ANKRD46: variants seen among roughly 807,000 people sequenced by gnomAD.
ANKRD46 encodes ankyrin repeat domain 46, also known as ankyrin repeat domain-containing protein 46.
In ANKRD46, 13 loss-of-function variants were observed where a neutral mutation model predicts 19.8. The observed-to-expected ratio is 0.66, with a 90% CI of 0.43 to 1.04. The LOEUF is 1.04. Among genes scored for constraint, ANKRD46 ranks in the 50% least tolerant of loss-of-function variants. The probability of loss-of-function intolerance (pLI) is 0.00; values close to 1 mark genes in which losing one functional copy is unlikely to be tolerated. For missense variants in ANKRD46, 185 were observed against 274.8 expected, an observed-to-expected ratio of 0.67 and a Z score of 2.31; for synonymous variants, 91 against 106.9, an observed-to-expected ratio of 0.85 and a Z score of 0.92.
rs1000880337 is a variant in ANKRD46 at position 100,522,896 on chromosome 8, C to T, written c.471-125G>A. The T allele has an allele frequency of 2.1e-5, 12 of 568,524 alleles. 1 individual carries two copies. The highest frequency in any genetic ancestry group is 3.6e-5 in the Non-Finnish European group (12 of 330,494). The allele number at this position is 568,524 out of a possible 1,614,324, so 35.2% of individuals were successfully genotyped here. ...ACACACACACACACACACACACACA[C>T]ACACACACATATATATATATACACA... On this transcript the variant is annotated intron_variant, in intron 4 of 4. Transcript: ENST00000335659.
chr8:100,540,299 A>C (rs1812151686), intron 1 of ANKRD46, among the ~76,000 whole-genome samples: 1 of 152,212 alleles, frequency 6.6e-6, no homozygotes, highest in Admixed American at 6.5e-5. Context: ...AGTCTAGCAT[A>C]CACATTCCAT....
At chr8:100,514,613 TC>T (rs1264018634) in intron 5 of ANKRD46, among the ~76,000 whole-genome samples, 1 of 116,500 alleles carries the variant, frequency 8.6e-6, no homozygotes, top group African/African-American at 3.4e-5. Context: ...TATTCCTCCA[TC>T]TTCTTTTTTT....
chr8:100,553,931 C>A (rs957713270), intron 1 of ANKRD46, among the ~76,000 whole-genome samples: 1 of 152,208 alleles, frequency 6.6e-6, no homozygotes, highest in African/African-American at 2.4e-5. Flanking sequence ...ACCATTCGTG[C>A]TCTTGCATTT....
chr8:100,547,945 A>T (rs1363781217), intron 1 of ANKRD46, among the ~76,000 whole-genome samples: 1 of 152,092 alleles, frequency 6.6e-6, no homozygotes, highest in Non-Finnish European at 1.5e-5. Flanking sequence ...CCTCTACCCC[A>T]GTCAATCTCA....
rs1326228427 is a variant in ANKRD46, at chr8:100,537,801, G to A, written c.-130-4490C>T. Among the ~76,000 whole-genome samples the A allele has an allele frequency of 6.6e-6, 1 of 152,160 alleles. No homozygotes were observed. The highest frequency in any genetic ancestry group is 2.4e-5 in the African/African-American group (1 of 41,436). On this transcript the variant is annotated intron_variant, in intron 1 of 4. Coordinates refer to ENST00000335659, the MANE Select transcript of ANKRD46 (RefSeq NM_001270377.2). This position sits in a 1 kb window ranked among gnomAD's most constrained non-coding sequence, Gnocchi z 4.2. ...CTTATCTTCAGCAGCTATTTAAACA[G>A]CAACTCTTTCTCTAATAGAGTGATC... is the stretch of plus-strand genomic sequence containing the variant.
chr8:100,522,259 CCTTT>C lies in ANKRD46; in HGVS notation c.*292_*295del, dbSNP rs2130640740. The C allele has an allele frequency of 2.6e-6, 3 of 1,160,234 alleles. No homozygotes were observed. Among genetic ancestry groups the C allele is most frequent in the African/African-American group, 1.6e-5 (1 of 64,094 alleles). The allele number at this position is 1,160,234 out of a possible 1,614,324, so 71.9% of individuals were successfully genotyped here. A position where few individuals can be genotyped will look rare whatever the true frequency, so the allele number is the denominator to read the frequency against. On this transcript the variant is annotated 3_prime_UTR_variant, in exon 5 of 5. Transcript: ENST00000335659. ...GATAGCAAGGACTTCCTAGCTTCTTCCTTTATCTTCCATTCTCTAGTCACTTCCG... is the reference window on the plus strand; with the variant it reads ...GATAGCAAGGACTTCCTAGCTTCTTCATCTTCCATTCTCTAGTCACTTCCG...
intron 4 of ANKRD46, among the ~76,000 whole-genome samples, chr8:100,523,161 C>T (rs2130643186): frequency 1.6e-5 from 1 of 62,346 alleles, no homozygotes; most frequent in Admixed American, 1.6e-4. Flanking sequence ...GACACCATCT[C>T]TATTTTTTTT....
chr8:100,548,966 T>C (rs1394916970), intron 1 of ANKRD46, among the ~76,000 whole-genome samples: 1 of 152,076 alleles, frequency 6.6e-6, no homozygotes, highest in Non-Finnish European at 1.5e-5. Context: ...TGCAATATGA[T>C]ATACACCTAT....
chr8:100,530,910 G>A (rs1157824062), intron 2 of ANKRD46, among the ~76,000 whole-genome samples: 2 of 152,146 alleles, frequency 1.3e-5, no homozygotes, highest in Non-Finnish European at 2.9e-5. Context: ...GGACAAAGCA[G>A]CAATCCCAAC....
intron 1 of ANKRD46, among the ~76,000 whole-genome samples, chr8:100,554,054 G>A (rs1812446694): frequency 6.6e-6 from 1 of 152,160 alleles, no homozygotes. Context: ...TTAAATGCAT[G>A]CAAGTATCTG....
At chr8:100,556,584 TGTCCA>T in intron 1 of ANKRD46, 1 of 152,306 alleles carries the variant, frequency 6.6e-6, no homozygotes, top group Non-Finnish European at 1.5e-5. Context: ...TCCAAAGAGC[TGTCCA>T]TACTGCAGTC....
chr8:100,517,734 A>G (rs932058904), downstream of ANKRD46, among the ~76,000 whole-genome samples: 3 of 152,334 alleles, frequency 2.0e-5, no homozygotes, highest in Middle Eastern at 3.4e-3. Context: ...ACCTCATCCC[A>G]AAGTTCTATT....
chr8:100,549,833 C>G (rs1162922059), intron 1 of ANKRD46, among the ~76,000 whole-genome samples: 4 of 152,194 alleles, frequency 2.6e-5, no homozygotes, highest in Admixed American at 2.0e-4. Context: ...TAAAAATTTT[C>G]TGGGCTCTGC....
At chr8:100,538,110 A>C (rs1395394894) in intron 1 of ANKRD46, among the ~76,000 whole-genome samples, 1 of 152,352 alleles carries the variant, frequency 6.6e-6, no homozygotes, top group East Asian at 1.9e-4. Flanking sequence ...AAGTCTAGAC[A>C]TAGGGAAATC....
At chr8:100,526,368 T>C (rs776857978) in intron 4 of ANKRD46, among the ~76,000 whole-genome samples, 22 of 152,192 alleles carry the variant, frequency 1.4e-4, no homozygotes, top group Admixed American at 7.2e-4. Flanking sequence ...TTGTTTTTCA[T>C]GGTAAAGAAG....
chr8:100,516,902 A>T (rs1290119153), downstream of ANKRD46, among the ~76,000 whole-genome samples: 1 of 152,152 alleles, frequency 6.6e-6, no homozygotes, highest in South Asian at 2.1e-4. Flanking sequence ...CTTCAAGACA[A>T]TTGCATCACA....
At position 100,524,432 on chromosome 8, in the gene ANKRD46, A is replaced by G. The variant is rs1811794307; in HGVS notation, c.471-1661T>C. Among the ~76,000 whole-genome samples the G allele has an allele frequency of 6.6e-6, 1 of 152,278 alleles. No individual in the cohort carries two copies. The highest frequency in any genetic ancestry group is 2.1e-4 in the South Asian group (1 of 4,810). On this transcript the variant is annotated intron_variant, in intron 4 of 4. Coordinates refer to ENST00000335659, the MANE Select transcript of ANKRD46 (RefSeq NM_001270377.2). The surrounding 1 kb of genome is among the most constrained non-coding windows in gnomAD (Gnocchi z 4.3). ...ATCAAACAAAAGTCCTTCAGCCTTT[A>G]CCAACATTAGAGGTCTTCTCTGATC... is the stretch of plus-strand genomic sequence containing the variant.
intron 1 of ANKRD46, among the ~76,000 whole-genome samples, chr8:100,533,667 G>A (rs1812008251): frequency 1.3e-5 from 2 of 152,100 alleles, no homozygotes; most frequent in Admixed American, 6.6e-5. Context: ...ATAAATGGAG[G>A]CTAGATCCCA....
At chr8:100,513,654 T>C (rs910394862) in intron 5 of ANKRD46, among the ~76,000 whole-genome samples, 2 of 152,202 alleles carry the variant, frequency 1.3e-5, no homozygotes, top group Admixed American at 6.5e-5. Context: ...AGGTGAAATA[T>C]AGAACTGTTA....
Sources: allele counts gnomAD v4.1 joint callset (sites outside exome capture counted in the v4.1 genomes callset), GRCh38; gene constraint gnomAD v4.1.1; non-coding constraint Gnocchi (gnomAD v3.1); transcripts MANE v1.5; gene names NCBI Gene and HGNC (gene_info 2026-07-23, HGNC 2026-07-21).